The following UNC5C variants were observed in gnomAD, a reference collection of about 807,000 sequenced individuals.
UNC5C encodes unc-5 netrin receptor C.
UNC5C carries 47 observed loss-of-function variants against 99.8 expected under a neutral mutation model. The observed-to-expected ratio is 0.47, with a 90% confidence interval of 0.37 to 0.60. UNC5C has a LOEUF of 0.60. Among genes scored for constraint, UNC5C ranks in the 20% least tolerant of loss-of-function variants. UNC5C has a pLI of 0.00. For synonymous variants in UNC5C, 487 were observed against 452.2 expected (o/e 1.08, Z -0.98); for missense variants, 1,062 against 1,165.9 (o/e 0.91, Z 1.30).
At chr4:95,507,136 A>G (rs1721943511) in intron 1 of UNC5C, among the ~76,000 whole-genome samples, 1 of 151,998 alleles carries the variant, frequency 6.6e-6, no homozygotes, top group Admixed American at 6.6e-5. Flanking sequence ...TTTTACTCTC[A>G]TGAATTTGAA....
intron 7 of UNC5C, among the ~76,000 whole-genome samples, chr4:95,235,518 T>C (rs1252997560): frequency 6.6e-6 from 1 of 152,200 alleles, no homozygotes; most frequent in African/African-American, 2.4e-5. Context: ...TTGGCTTTTG[T>C]TGCCATTGCT....
intron 1 of UNC5C, among the ~76,000 whole-genome samples, chr4:95,486,404 T>C (rs1429381229): frequency 1.0e-5 from 1 of 96,020 alleles, no homozygotes; most frequent in Non-Finnish European, 2.8e-5. Flanking sequence ...CTCCAAATCA[T>C]TGCTGTGTTG....
rs777557355 is a variant in UNC5C, at chr4:95,183,017, C to T, written c.2331G>A (p.Leu777=). The change falls in exon 14 of 16, where the codon CTG becomes CTA. Residue 777 remains leucine, a synonymous_variant. Coordinates refer to ENST00000453304, the MANE Select transcript of UNC5C (RefSeq NM_003728.4). Reference sequence around the variant, plus strand: ...ATCTTTCCAGAGTGAAGGTGCAGTGCAGGTTTCTTTGAGATCCACTCCAAA... The same window carrying T: ...ATCTTTCCAGAGTGAAGGTGCAGTGTAGGTTTCTTTGAGATCCACTCCAAA... ...YHVWSGSQRN[L]HCTFTLERFS... is the part of the protein sequence containing the mutation. 2 of 1,612,312 alleles carry T rather than the reference C, an allele frequency of 1.2e-6. No homozygotes were observed. The highest frequency in any genetic ancestry group is 1.7e-6 in the Non-Finnish European group (2 of 1,178,648).
intron 1 of UNC5C, among the ~76,000 whole-genome samples, chr4:95,429,715 A>G (rs1746581694): frequency 6.6e-6 from 1 of 152,152 alleles, no homozygotes. Context: ...TACATTTCTA[A>G]CATATATTCT....
At chr4:95,433,550 T>C (rs1395924198) in intron 1 of UNC5C, among the ~76,000 whole-genome samples, 3 of 152,120 alleles carry the variant, frequency 2.0e-5, no homozygotes, top group African/African-American at 7.2e-5. Flanking sequence ...CATACTTCTA[T>C]ATATTTATCC....
chr4:95,393,633 G>C lies in UNC5C; in HGVS notation c.125-58002C>G, dbSNP rs533872798. Among the ~76,000 whole-genome samples the C allele has an allele frequency of 2.0e-5, 3 of 152,130 alleles. No homozygotes were observed. The South Asian group carries it at 6.2e-4, about 32-fold the overall frequency. On this transcript the variant is annotated intron_variant, in intron 1 of 15. Coordinates refer to ENST00000453304, the MANE Select transcript of UNC5C (RefSeq NM_003728.4). Reference sequence around the variant, plus strand: ...TATTGACTGTAGATGTTATTTCTATGGTCCAATTATCCATCTTGACCCTGA... The same window carrying C: ...TATTGACTGTAGATGTTATTTCTATCGTCCAATTATCCATCTTGACCCTGA...
At chr4:95,377,854 G>C (rs1231083511) in intron 1 of UNC5C, among the ~76,000 whole-genome samples, 1 of 152,150 alleles carries the variant, frequency 6.6e-6, no homozygotes, top group Non-Finnish European at 1.5e-5. Context: ...TTTTAAAAGA[G>C]TTAGACAATA....
intron 1 of UNC5C, among the ~76,000 whole-genome samples, chr4:95,457,134 CAATAT>C (rs937350310): frequency 4.6e-5 from 7 of 152,010 alleles, no homozygotes; most frequent in Non-Finnish European, 8.8e-5. Flanking sequence ...TATTTTATGT[CAATAT>C]AATATGTTAT....
chr4:95,311,852 T>C (rs2149408398), intron 2 of UNC5C, among the ~76,000 whole-genome samples: 1 of 152,292 alleles, frequency 6.6e-6, no homozygotes, highest in East Asian at 1.9e-4. Flanking sequence ...AAGACCAGCC[T>C]GGGCAACATA....
At chr4:95,335,285 C>G in intron 2 of UNC5C, 125 bp downstream of exon 2, 1 of 934,512 alleles carries the variant, frequency 1.1e-6, no homozygotes, top group Non-Finnish European at 1.6e-6. Flanking sequence ...CAAACCAATT[C>G]AAAACTTTTT....
At chr4:95,270,074 G>A (rs1007490864) in intron 4 of UNC5C, among the ~76,000 whole-genome samples, 2 of 152,086 alleles carry the variant, frequency 1.3e-5, no homozygotes, top group Non-Finnish European at 2.9e-5. Flanking sequence ...ACTTTCACAG[G>A]TAGGTTTGGC....
intron 2 of UNC5C, among the ~76,000 whole-genome samples, chr4:95,329,340 C>T (rs1051086106): frequency 2.0e-5 from 3 of 152,052 alleles, no homozygotes; most frequent in Admixed American, 1.3e-4. Flanking sequence ...ATAAACAGTC[C>T]CTGCTATGCA....
chr4:95,193,635 A>T (rs1737249865), intron 12 of UNC5C, among the ~76,000 whole-genome samples: 2 of 152,152 alleles, frequency 1.3e-5, no homozygotes, highest in South Asian at 4.1e-4. Flanking sequence ...GGGGCTGAGA[A>T]ATCTGTGCCT....
At chr4:95,189,817 T>C (rs1236741164) in intron 12 of UNC5C, among the ~76,000 whole-genome samples, 2 of 152,148 alleles carry the variant, frequency 1.3e-5, no homozygotes, top group East Asian at 1.9e-4. Flanking sequence ...GTTAGAATGG[T>C]GATCTTTAAA....
At chr4:95,202,635 GCA>G (rs1165989441) in intron 12 of UNC5C, 94 bp downstream of exon 12, 15 of 1,198,626 alleles carry the variant, frequency 1.3e-5, no homozygotes, top group Admixed American at 4.2e-5. Flanking sequence ...ACACTTGGGT[GCA>G]CACACACAGC....
chr4:95,299,026 T>C (rs2149403002), intron 3 of UNC5C, among the ~76,000 whole-genome samples: 1 of 152,296 alleles, frequency 6.6e-6, no homozygotes, highest in Non-Finnish European at 1.5e-5. Context: ...AACCACAAAA[T>C]GTAGTTGTTA....
At chr4:95,535,252 A>T (rs1012058600) in intron 1 of UNC5C, among the ~76,000 whole-genome samples, 13 of 151,864 alleles carry the variant, frequency 8.6e-5, no homozygotes, top group African/African-American at 3.1e-4. Flanking sequence ...TACAAAAAAT[A>T]ATGTGATTTT....
At chr4:95,327,198 C>T (rs1188213665) in intron 2 of UNC5C, among the ~76,000 whole-genome samples, 2 of 151,992 alleles carry the variant, frequency 1.3e-5, no homozygotes, top group East Asian at 1.9e-4. Flanking sequence ...AACCTCCACC[C>T]CTAAAAAAAC....
intron 4 of UNC5C, among the ~76,000 whole-genome samples, chr4:95,261,802 C>A (rs1740244505): frequency 6.6e-6 from 1 of 151,416 alleles, no homozygotes; most frequent in Non-Finnish European, 1.5e-5. Flanking sequence ...CTCCTGGGTT[C>A]AAGCAATTCT....
Sources: gnomAD v4.1 joint callset for allele counts (sites outside exome capture counted in the v4.1 genomes callset) on GRCh38, gnomAD v4.1.1 for gene constraint, MANE v1.5 for transcripts, NCBI Gene and HGNC (gene_info 2026-07-23, HGNC 2026-07-21) for gene names.